INCENP: variants seen among roughly 807,000 people sequenced by gnomAD.
INCENP encodes the protein inner centromere protein, also known as binds and activates aurora-B and -C in vivo and in vitro.
A neutral mutation model predicts 107.3 loss-of-function variants in INCENP; 43 were observed. The observed-to-expected ratio is 0.40, with a 90% confidence interval of 0.31 to 0.52. INCENP has a LOEUF of 0.52. Among genes scored for constraint, INCENP ranks in the 20% least tolerant of loss-of-function variants. The pLI, the probability that INCENP is intolerant of heterozygous loss-of-function variation, is 0.53. For synonymous variants in INCENP, 488 were observed against 494.4 expected (o/e 0.99, Z 0.17); for missense variants, 1,089 against 1,250.9 (o/e 0.87, Z 1.95).
At chr11:62,141,720 C>G in intron 11 of INCENP, 1 of 675,668 alleles carries the variant, frequency 1.5e-6, no homozygotes, top group South Asian at 1.7e-5. Flanking sequence ...CCCTCCCTGC[C>G]CTTGACTCTG....
chr11:62,148,025 A>G (rs1944291473), intron 15 of INCENP, among the ~76,000 whole-genome samples: 1 of 152,178 alleles, frequency 6.6e-6, no homozygotes, highest in South Asian at 2.1e-4. Context: ...GTTAAATGAC[A>G]TGTTCAAAGT....
chr11:62,140,498 T>A (rs1009520322), intron 8 of INCENP, among the ~76,000 whole-genome samples: 3 of 152,322 alleles, frequency 2.0e-5, no homozygotes, highest in Non-Finnish European at 4.4e-5. Context: ...TGACCCCGTC[T>A]TAGTGTGGTC....
At chr11:62,140,355 C>T (rs1218413938) in intron 8 of INCENP, 70 bp downstream of exon 8, 48 of 1,344,642 alleles carry the variant, frequency 3.6e-5, no homozygotes, top group Non-Finnish European at 5.1e-5. Flanking sequence ...TGTCCTTGCT[C>T]AGGGAAGGTG....
intron 18 of INCENP, among the ~76,000 whole-genome samples, chr11:62,151,116 C>T (rs1392864660): frequency 6.6e-6 from 1 of 152,228 alleles, no homozygotes; most frequent in Admixed American, 6.5e-5. Context: ...ATAGTTTCCT[C>T]ATCCGTGAAA....
chr11:62,146,539 TG>T, intron 14 of INCENP, 118 bp from the exon 15 acceptor site: 2 of 1,445,228 alleles, frequency 1.4e-6, no homozygotes, highest in Non-Finnish European at 1.8e-6. Context: ...GCGCCATTCC[TG>T]GGTTGTCCGT....
chr11:62,141,067 G>T (rs766038756), intron 10 of INCENP, 23 bp downstream of exon 10: 4 of 1,603,796 alleles, frequency 2.5e-6, no homozygotes, highest in East Asian at 2.2e-5. Flanking sequence ...TGCCCAGGCC[G>T]GGCTTTGTGG....
At chr11:62,133,795 C>T (rs1179592066) in intron 4 of INCENP, among the ~76,000 whole-genome samples, 2 of 152,060 alleles carry the variant, frequency 1.3e-5, no homozygotes, top group Non-Finnish European at 2.9e-5. Flanking sequence ...GACTGTCAGC[C>T]CGGCGCTGCA....
chr11:62,151,813 T>C lies in INCENP; in HGVS notation c.2594T>C (p.Leu865Pro), dbSNP rs1178404199. The change falls in exon 19 of 19, where the codon CTT (leucine) becomes CCT (proline). Residue 865 changes from leucine (L) to proline (P), a missense_variant. Transcript: ENST00000394818. ...IIHQYYHPPNLLELFGTILPL... is the reference protein window; with the variant it reads ...IIHQYYHPPNPLELFGTILPL... Reference sequence around the variant, plus strand: ...CACCAGTACTACCACCCACCGAACCTTCTGGAGCTCTTTGGAACCATTCTC... The same window carrying C: ...CACCAGTACTACCACCCACCGAACCCTCTGGAGCTCTTTGGAACCATTCTC... 1.2e-6 allele frequency: 2 copies of C among 1,614,066 alleles called. No individual in the cohort carries two copies. Among genetic ancestry groups the C allele is most frequent in the Non-Finnish European group, 1.7e-6 (2 of 1,180,028 alleles).
At chr11:62,132,144 G>A (rs1044149819) in intron 4 of INCENP, among the ~76,000 whole-genome samples, 2 of 152,204 alleles carry the variant, frequency 1.3e-5, no homozygotes, top group African/African-American at 4.8e-5. Flanking sequence ...GGCACTTTAA[G>A]ATTTATAAAA....
Position 62,146,709 on chromosome 11 carries a change from G to A in INCENP, c.2011G>A (p.Glu671Lys), listed in dbSNP as rs1345586012. The change falls in exon 15 of 19, where the codon GAG becomes AAG. Residue 671 changes from glutamate (E) to lysine (K), a missense_variant. Physicochemically the swap from Glu to Lys is moderately conservative, Grantham distance 56. Transcript: ENST00000394818. ...QELLQKKKEE[E>K]QERLRKAAEA... ...GCTGCTGCAGAAGAAGAAGGAAGAG[G>A]AGCAGGAGCGGCTGCGGAAGGCGGC... is the stretch of plus-strand genomic sequence containing the variant. The A allele has an allele frequency of 1.3e-6, 2 of 1,550,844 alleles. No individual in the cohort carries two copies. Among genetic ancestry groups the A allele is most frequent in the South Asian group, 2.4e-5 (2 of 84,052 alleles).
rs759111475 is a variant in INCENP at position 62,146,792 on chromosome 11, C to T, written c.2094C>T (p.Arg698=). 1.7e-5 allele frequency: 26 copies of T among 1,507,514 alleles called. No individual in the cohort carries two copies. Among genetic ancestry groups the T allele is most frequent in the South Asian group, 7.4e-5 (6 of 80,932 alleles). The allele number at this position is 1,507,514 out of a possible 1,614,324, so 93.4% of individuals were successfully genotyped here. A position where few individuals can be genotyped will look rare whatever the true frequency, so the allele number is the denominator to read the frequency against. ...AGGAGCGGCGGGAGCAGGAGCGGCG[C>T]GAGCAGGAGCGGCGCGAGCAGGAGC... ...REQERREQER[R]EQERREQERR... The change falls in exon 15 of 19, where the codon CGC becomes CGT. Residue 698 remains arginine (R), a synonymous_variant. Coordinates refer to ENST00000394818, the MANE Select transcript of INCENP (RefSeq NM_001040694.2).
At chr11:62,137,967 C>A in intron 5 of INCENP, 84 bp downstream of exon 5, 1 of 1,261,632 alleles carries the variant, frequency 7.9e-7, no homozygotes, top group Non-Finnish European at 1.2e-6. Flanking sequence ...GGAAGCAATT[C>A]CTGGGCTGAG....
At chr11:62,143,212 T>TCTCTG (rs1457601753) in intron 11 of INCENP, among the ~76,000 whole-genome samples, 10 of 151,764 alleles carry the variant, frequency 6.6e-5, no homozygotes, top group African/African-American at 1.2e-4. Context: ...TTGGCAGCTT[T>TCTCTG]TCTTCAACTG....
chr11:62,130,483 C>A lies in INCENP; in HGVS notation c.956C>A (p.Ala319Asp). The A allele has an allele frequency of 6.2e-7, 1 of 1,614,124 alleles. No homozygotes were observed. The highest frequency in any genetic ancestry group is 8.5e-7 in the Non-Finnish European group (1 of 1,180,040). ...TCTTCCCCGAGTCCCCAAGTCTTAGCCCAGAAGTACTCTCTGGTGGCCAAA... is the reference window on the plus strand; with the variant it reads ...TCTTCCCCGAGTCCCCAAGTCTTAGACCAGAAGTACTCTCTGGTGGCCAAA... ...APSSPSPQVL[A>D]QKYSLVAKQE... The change falls in exon 4 of 19, where the codon GCC becomes GAC. Residue 319 changes from alanine to aspartate, a missense_variant. By Grantham distance (126) the Ala-to-Asp change is moderately radical. Coordinates refer to ENST00000394818, the MANE Select transcript of INCENP (RefSeq NM_001040694.2).
chr11:62,138,117 T>A, intron 5 of INCENP: 2 of 588,136 alleles, frequency 3.4e-6, no homozygotes, highest in South Asian at 4.0e-5. Context: ...GACCTGACCC[T>A]GGGGCGTGGG....
chr11:62,149,736 C>T (rs1944332820), intron 17 of INCENP, among the ~76,000 whole-genome samples: 1 of 152,112 alleles, frequency 6.6e-6, no homozygotes, highest in Admixed American at 6.5e-5. Context: ...GCCTGGTCAA[C>T]ATAGTGAAAC....
chr11:62,146,622 C>T (rs1410065300), intron 14 of INCENP, 36 bp from the exon 15 acceptor site: 3 of 1,548,280 alleles, frequency 1.9e-6, no homozygotes, highest in Non-Finnish European at 2.6e-6. Flanking sequence ...CTGGCCTGGG[C>T]CTGGCCGCAG....
At chr11:62,148,388 C>G in intron 15 of INCENP, 88 bp from the exon 16 acceptor site, 1 of 1,237,518 alleles carries the variant, frequency 8.1e-7, no homozygotes, top group Non-Finnish European at 1.1e-6. Flanking sequence ...GTCCTACTGG[C>G]TGGGCCTGGT....
Position 62,146,711 on chromosome 11 carries a change from G to A in INCENP, c.2013G>A (p.Glu671=), listed in dbSNP as rs768132876. The A allele has an allele frequency of 1.6e-5, 25 of 1,550,878 alleles. No homozygotes were observed. The highest frequency in any genetic ancestry group is 2.1e-5 in the Non-Finnish European group (24 of 1,146,920). The change falls in exon 15 of 19, where the codon GAG becomes GAA. Residue 671 remains glutamate, a synonymous_variant. Coordinates refer to ENST00000394818, the MANE Select transcript of INCENP (RefSeq NM_001040694.2). The part of the protein sequence containing the change: ...QELLQKKKEE[E]QERLRKAAEA... ...TGCTGCAGAAGAAGAAGGAAGAGGAGCAGGAGCGGCTGCGGAAGGCGGCCG... is the reference window on the plus strand; with the variant it reads ...TGCTGCAGAAGAAGAAGGAAGAGGAACAGGAGCGGCTGCGGAAGGCGGCCG...
Sources: allele counts gnomAD v4.1 joint callset (sites outside exome capture counted in the v4.1 genomes callset), GRCh38; gene constraint gnomAD v4.1.1; transcripts MANE v1.5; gene names NCBI Gene and HGNC (gene_info 2026-07-23, HGNC 2026-07-21).